Variants in UBE2E2 observed in about 807,000 individuals in gnomAD.
The protein encoded by UBE2E2 is ubiquitin-conjugating enzyme E2 E2.
UBE2E2 carries 6 observed loss-of-function variants against 24.7 expected under a neutral mutation model. That is an observed-to-expected ratio of 0.24 (90% CI 0.13 to 0.48). UBE2E2 has a LOEUF of 0.48. Ranked by LOEUF, UBE2E2 falls within the 20% of genes least tolerant of loss-of-function variation. UBE2E2 has a pLI of 0.99. For synonymous variants in UBE2E2, 104 were observed against 83.6 expected (o/e 1.24, Z -1.33); for missense variants, 169 against 245.0 (o/e 0.69, Z 2.07).
At chr3:23,243,078 G>A (rs1371703029) in intron 3 of UBE2E2, among the ~76,000 whole-genome samples, 3 of 148,718 alleles carry the variant, frequency 2.0e-5, no homozygotes, top group Admixed American at 2.0e-4. Context: ...AGAGTGAGAC[G>A]CTGTTTCAAA....
At chr3:23,368,837 A>G (rs1320336707) in intron 3 of UBE2E2, among the ~76,000 whole-genome samples, 1 of 152,154 alleles carries the variant, frequency 6.6e-6, no homozygotes, top group Non-Finnish European at 1.5e-5. Context: ...CTGTACATCC[A>G]TTTCTAATAG....
chr3:23,466,862 C>T (rs1180394669), intron 3 of UBE2E2, among the ~76,000 whole-genome samples: 4 of 151,932 alleles, frequency 2.6e-5, no homozygotes, highest in Non-Finnish European at 4.4e-5. Context: ...CCACCGCACT[C>T]GGCAGTCCCA....
intron 3 of UBE2E2, among the ~76,000 whole-genome samples, chr3:23,408,672 C>T (rs1398531205): frequency 6.6e-6 from 1 of 152,176 alleles, no homozygotes; most frequent in Non-Finnish European, 1.5e-5. Flanking sequence ...ATGGTAAAAG[C>T]TGCTGCTCCC....
intron 5 of UBE2E2, among the ~76,000 whole-genome samples, chr3:23,564,037 GT>G (rs80166846): frequency 1.3e-5 from 2 of 150,606 alleles, no homozygotes; most frequent in Admixed American, 6.6e-5. Context: ...GGTTTTTTCT[GT>G]TTTTTTTTAC....
At chr3:23,323,486 A>G (rs1270681260) in intron 3 of UBE2E2, 1 of 433,586 alleles carries the variant, frequency 2.3e-6, no homozygotes, top group African/African-American at 2.1e-5. Context: ...CGAAAATTCA[A>G]AACACTTTGT....
chr3:23,466,136 A>G (rs1474416505), intron 3 of UBE2E2, among the ~76,000 whole-genome samples: 1 of 152,224 alleles, frequency 6.6e-6, no homozygotes, highest in Non-Finnish European at 1.5e-5. Context: ...ATAATTATAA[A>G]TGTTAATTTT....
At chr3:23,223,159 A>G (rs1050739280) in intron 3 of UBE2E2, among the ~76,000 whole-genome samples, 1 of 147,854 alleles carries the variant, frequency 6.8e-6, no homozygotes. Context: ...AGCTGAGACT[A>G]CAGGTACATG....
chr3:23,253,553 A>G (rs913898387), intron 3 of UBE2E2, among the ~76,000 whole-genome samples: 1 of 152,234 alleles, frequency 6.6e-6, no homozygotes, highest in Non-Finnish European at 1.5e-5. Flanking sequence ...GCACATTGGT[A>G]CTGTGCTTCA....
intron 3 of UBE2E2, among the ~76,000 whole-genome samples, chr3:23,354,520 T>G (rs921838154): frequency 6.6e-6 from 1 of 151,876 alleles, no homozygotes; most frequent in Admixed American, 6.6e-5. Flanking sequence ...TACAATGAAC[T>G]CCAACAAATT....
chr3:23,466,443 C>T (rs999143226), intron 3 of UBE2E2, among the ~76,000 whole-genome samples: 1 of 152,172 alleles, frequency 6.6e-6, no homozygotes, highest in Admixed American at 6.5e-5. Flanking sequence ...TTGGCTATTA[C>T]TTTTGTTATA....
intron 3 of UBE2E2, among the ~76,000 whole-genome samples, chr3:23,358,733 A>G (rs1696034725): frequency 6.6e-6 from 1 of 152,250 alleles, no homozygotes; most frequent in Admixed American, 6.5e-5. Context: ...GTATTTAAAT[A>G]TCTAAATATT....
At chr3:23,424,493 C>G (rs1175394957) in intron 3 of UBE2E2, among the ~76,000 whole-genome samples, 1 of 137,790 alleles carries the variant, frequency 7.3e-6, no homozygotes, top group Non-Finnish European at 1.6e-5. Context: ...ATGGCTTTTT[C>G]TTTGGCTTGC....
intron 3 of UBE2E2, among the ~76,000 whole-genome samples, chr3:23,434,153 G>C (rs751179124): frequency 3.3e-5 from 5 of 152,010 alleles, no homozygotes; most frequent in African/African-American, 4.8e-5. Flanking sequence ...TATGAGCTGT[G>C]GGTGTTCCGC....
At chr3:23,355,164 G>T (rs1695904578) in intron 3 of UBE2E2, among the ~76,000 whole-genome samples, 1 of 150,620 alleles carries the variant, frequency 6.6e-6, no homozygotes, top group Non-Finnish European at 1.5e-5. Context: ...TCACTCATAG[G>T]TGGGAATTGA....
intron 3 of UBE2E2, among the ~76,000 whole-genome samples, chr3:23,382,258 C>G (rs1402843526): frequency 6.7e-6 from 1 of 149,182 alleles, no homozygotes; most frequent in Non-Finnish European, 1.5e-5. Flanking sequence ...CTCGGCTCAC[C>G]GCAGCCACCA....
intron 5 of UBE2E2, among the ~76,000 whole-genome samples, chr3:23,551,255 A>G (rs1695635835): frequency 6.6e-6 from 1 of 152,222 alleles, no homozygotes; most frequent in African/African-American, 2.4e-5. Flanking sequence ...AATGGAAAAG[A>G]CTAAAACATT....
chr3:23,285,395 G>C (rs1178894414), intron 3 of UBE2E2, among the ~76,000 whole-genome samples: 2 of 152,172 alleles, frequency 1.3e-5, no homozygotes, highest in East Asian at 1.9e-4. Context: ...ATACTTAGCA[G>C]TGGGATTGCT....
intron 3 of UBE2E2, among the ~76,000 whole-genome samples, chr3:23,272,564 G>A (rs561095202): frequency 6.6e-6 from 1 of 152,356 alleles, no homozygotes; most frequent in African/African-American, 2.4e-5. Flanking sequence ...CTCTCAGTAT[G>A]AGTGTGTTGT....
chr3:23,575,728 A>G (rs1157256988), intron 5 of UBE2E2, among the ~76,000 whole-genome samples: 2 of 152,292 alleles, frequency 1.3e-5, no homozygotes, highest in African/African-American at 2.4e-5. Flanking sequence ...CCAGACATTT[A>G]AAATGTATAC....
Sources: allele counts gnomAD v4.1 joint callset (sites outside exome capture counted in the v4.1 genomes callset), GRCh38; gene constraint gnomAD v4.1.1; transcripts MANE v1.5; gene names NCBI Gene and HGNC (gene_info 2026-07-23, HGNC 2026-07-21).